Variants in DNAH9 observed in about 807,000 individuals in gnomAD.
The protein encoded by DNAH9 is dynein axonemal heavy chain 9.
DNAH9 carries 345 observed loss-of-function variants against 471.6 expected under a neutral mutation model. The observed-to-expected ratio is 0.73, with a 90% CI of 0.67 to 0.80. DNAH9 has a LOEUF of 0.80. DNAH9 is among the 30% of genes least tolerant of loss of function. The pLI, the probability that DNAH9 is intolerant of heterozygous loss-of-function variation, is 0.00. For synonymous variants in DNAH9, 2,093 were observed against 2,123.6 expected (o/e 0.99, Z 0.40); for missense variants, 5,407 against 5,609.2 (o/e 0.96, Z 1.15).
intron 1 of DNAH9, among the ~76,000 whole-genome samples, chr17:11,605,033 T>C (rs1341928041): frequency 6.6e-6 from 1 of 152,162 alleles, no homozygotes; most frequent in African/African-American, 2.4e-5. Flanking sequence ...CTCCCTTTAC[T>C]CTCACCTATT....
At chr17:11,725,529 G>A (rs1485627879) in intron 27 of DNAH9, among the ~76,000 whole-genome samples, 1 of 151,356 alleles carries the variant, frequency 6.6e-6, no homozygotes, top group African/African-American at 2.4e-5. Context: ...CTTAATTCCA[G>A]AAGCTCAGTG....
rs192416134 is a variant in DNAH9, at chr17:11,772,372, T to C, written c.7552+3043T>C. ...ACATTTGGAAGCAAGGAAGAGAAGA[T>C]GAGTTTCTCACACTGCCCTGACCTG... On this transcript the variant is annotated intron_variant, in intron 38 of 68. Coordinates refer to ENST00000262442, the MANE Select transcript of DNAH9 (RefSeq NM_001372.4). Among the ~76,000 whole-genome samples, 4 of 152,314 alleles carry C rather than the reference T, an allele frequency of 2.6e-5. No individual in the cohort carries two copies. The East Asian group carries it at 5.8e-4, about 22-fold the overall frequency.
At chr17:11,954,666 A>G (rs1346068362) in intron 67 of DNAH9, among the ~76,000 whole-genome samples, 1 of 152,024 alleles carries the variant, frequency 6.6e-6, no homozygotes, top group Non-Finnish European at 1.5e-5. Flanking sequence ...CTGTGGGACA[A>G]GAAATGTTAA....
Position 11,818,156 on chromosome 17 carries a change from C to T in DNAH9, c.8708-3764C>T, listed in dbSNP as rs183772377. Among the ~76,000 whole-genome samples, 938 of 152,308 alleles carry T rather than the reference C, an allele frequency of 6.2e-3. 11 individuals carry two copies. The highest frequency in any genetic ancestry group is 6.0e-3 in the Non-Finnish European group (405 of 68,008). On this transcript the variant is annotated intron_variant, in intron 45 of 68. Transcript: ENST00000262442. ...CCATAAGAAAGTGGGATGGGCCGGG[C>T]GTGGTGGCTCACGCCTATAATCCCA...
At chr17:11,785,402 C>G (rs922142976) in intron 41 of DNAH9, among the ~76,000 whole-genome samples, 1 of 152,148 alleles carries the variant, frequency 6.6e-6, no homozygotes, top group African/African-American at 2.4e-5. Context: ...CCAATGACAG[C>G]ACATGTAATT....
At chr17:11,630,588 C>T (rs2073048150) in intron 7 of DNAH9, 1 of 152,164 alleles carries the variant, frequency 6.6e-6, no homozygotes, top group Non-Finnish European at 1.5e-5. Context: ...AGGACAAATA[C>T]CTGATGCATG....
chr17:11,936,189 A>G (rs953665521), intron 65 of DNAH9, among the ~76,000 whole-genome samples: 3 of 152,214 alleles, frequency 2.0e-5, no homozygotes, highest in African/African-American at 7.2e-5. Context: ...GAGGAAATAC[A>G]AAAATGAACA....
intron 46 of DNAH9, 90 bp downstream of exon 46, chr17:11,822,152 G>A: frequency 6.9e-7 from 1 of 1,459,096 alleles, no homozygotes; most frequent in East Asian, 2.3e-5. Context: ...TGTCCTTATT[G>A]ATTGTCTAGA....
At chr17:11,857,879 C>T (rs1339439743) in intron 50 of DNAH9, among the ~76,000 whole-genome samples, 1 of 152,164 alleles carries the variant, frequency 6.6e-6, no homozygotes, top group Non-Finnish European at 1.5e-5. Context: ...TCCTGCTTTG[C>T]CTTCCACCAT....
chr17:11,621,342 A>T (rs999875504), intron 6 of DNAH9, among the ~76,000 whole-genome samples: 3 of 134,664 alleles, frequency 2.2e-5, no homozygotes, highest in African/African-American at 8.3e-5. Context: ...CGGGAGGTAG[A>T]GGTTGCAGTG....
At chr17:11,804,667 G>A (rs1448206353) in intron 43 of DNAH9, among the ~76,000 whole-genome samples, 1 of 152,154 alleles carries the variant, frequency 6.6e-6, no homozygotes, top group African/African-American at 2.4e-5. Context: ...AAGGTCAGGA[G>A]ATCGAGTCCA....
intron 62 of DNAH9, among the ~76,000 whole-genome samples, chr17:11,927,224 G>C (rs1440161322): frequency 2.0e-5 from 3 of 152,150 alleles, no homozygotes; most frequent in South Asian, 4.1e-4. Context: ...TCACTCTGAT[G>C]ATAGTTTATT....
chr17:11,969,214 T>C, intron 68 of DNAH9, 86 bp from the exon 69 acceptor site: 5 of 1,209,974 alleles, frequency 4.1e-6, no homozygotes, highest in Non-Finnish European at 5.9e-6. Context: ...CAGTCTTTCC[T>C]CCCTTGGATC....
chr17:11,694,504 G>A (rs2074393868), intron 22 of DNAH9, 57 bp downstream of exon 22: 3 of 1,603,164 alleles, frequency 1.9e-6, no homozygotes, highest in Admixed American at 1.7e-5. Context: ...TGCCCAGCAG[G>A]AGGCAGTTTC....
intron 50 of DNAH9, among the ~76,000 whole-genome samples, chr17:11,862,631 A>G (rs1971901564): frequency 6.6e-6 from 1 of 152,146 alleles, no homozygotes; most frequent in African/African-American, 2.4e-5. Flanking sequence ...TTTTCACGAT[A>G]TTAATTCTTC....
intron 67 of DNAH9, among the ~76,000 whole-genome samples, chr17:11,954,405 G>A (rs1306879572): frequency 6.6e-6 from 1 of 151,754 alleles, no homozygotes; most frequent in Non-Finnish European, 1.5e-5. Context: ...TGAAACCAGG[G>A]ATAAAGAAAA....
chr17:11,933,993 A>G lies in DNAH9; in HGVS notation c.12411A>G (p.Pro4137=). Residue 4137 remains proline (P), a synonymous_variant, in exon 65 of 69, where the codon CCA becomes CCG. Coordinates refer to ENST00000262442, the MANE Select transcript of DNAH9 (RefSeq NM_001372.4). ...CRTYLGEFIR[P]EMLEGELSLA... is the part of the protein sequence containing the mutation. ...CCTACCTGGGGGAATTCATTCGACC[A>G]GAAATGTTAGAAGGAGAACTGTCTT... The G allele has an allele frequency of 6.2e-7, 1 of 1,614,212 alleles. No homozygotes were observed. Among genetic ancestry groups the G allele is most frequent in the Non-Finnish European group, 8.5e-7 (1 of 1,180,030 alleles).
chr17:11,963,349 G>A (rs985808144), intron 68 of DNAH9, among the ~76,000 whole-genome samples: 1 of 151,912 alleles, frequency 6.6e-6, no homozygotes, highest in Admixed American at 6.6e-5. Flanking sequence ...CAGGAGAATC[G>A]CTTGAACCCG....
chr17:11,686,996 A>G (rs2074253081), intron 19 of DNAH9, among the ~76,000 whole-genome samples: 1 of 152,226 alleles, frequency 6.6e-6, no homozygotes, highest in Admixed American at 6.5e-5. Flanking sequence ...TTGGAAATGA[A>G]GAATAAACAC....
Sources: gnomAD v4.1 joint callset for allele counts (sites outside exome capture counted in the v4.1 genomes callset) on GRCh38, gnomAD v4.1.1 for gene constraint, MANE v1.5 for transcripts, NCBI Gene and HGNC (gene_info 2026-07-23, HGNC 2026-07-21) for gene names.